The following STAMBP variants were observed in gnomAD, a reference collection of about 807,000 sequenced individuals.
STAMBP encodes STAM binding protein, also known as STAM-binding protein.
A neutral mutation model predicts 50.7 loss-of-function variants in STAMBP; 31 were observed. That is an observed-to-expected ratio of 0.61 (90% CI 0.46 to 0.83). STAMBP has a LOEUF of 0.83. STAMBP is among the 40% of genes least tolerant of loss of function. The pLI is 0.00. For synonymous variants in STAMBP, 211 were observed against 192.4 expected (o/e 1.10, Z -0.80); for missense variants, 472 against 518.9 (o/e 0.91, Z 0.88).
chr2:73,847,617 G>C lies in STAMBP; in HGVS notation c.606G>C (p.Lys202Asn). The C allele has an allele frequency of 6.2e-7, 1 of 1,614,218 alleles. No homozygotes were observed. Among genetic ancestry groups the C allele is most frequent in the Non-Finnish European group, 8.5e-7 (1 of 1,180,032 alleles). The change falls in exon 5 of 10, where the codon AAG becomes AAC. Residue 202 changes from lysine (K) to asparagine (N), a missense_variant. Lys to Asn is a moderately conservative substitution (Grantham distance 94, BLOSUM62 0). Transcript: ENST00000394070. ...GCCCGCTAGTGCCTGACTTGGAGAAGCCCTCCTTAGATGTGTTCCCCACCT... is the reference window on the plus strand; with the variant it reads ...GCCCGCTAGTGCCTGACTTGGAGAACCCCTCCTTAGATGTGTTCCCCACCT... Reference protein sequence around the residue: ...LGGPLVPDLEKPSLDVFPTLT... With the variant: ...LGGPLVPDLENPSLDVFPTLT...
At chr2:73,871,127 A>G (rs920558749), downstream of STAMBP, among the ~76,000 whole-genome samples, 5 of 152,124 alleles carry the variant, frequency 3.3e-5, no homozygotes, top group Non-Finnish European at 7.4e-5. Flanking sequence ...AGTTTACACA[A>G]ATATTTTGGT....
chr2:73,869,567 A>G (rs890326373), downstream of STAMBP, among the ~76,000 whole-genome samples: 1 of 152,174 alleles, frequency 6.6e-6, no homozygotes, highest in Non-Finnish European at 1.5e-5. Flanking sequence ...AAATTGAAAG[A>G]AAAAAAGAAT....
At position 73,830,780 on chromosome 2, in the gene STAMBP, A is replaced by T. The variant is rs1403649453; in HGVS notation, c.-12-65A>T. The T allele has an allele frequency of 6.3e-6, 8 of 1,264,996 alleles. No homozygotes were observed. The African/African-American group carries it at 1.0e-4, about 17-fold the overall frequency. The allele number at this position is 1,264,996 out of a possible 1,614,324, so 78.4% of individuals were successfully genotyped here. On this transcript the variant is annotated intron_variant, in intron 1 of 9. Coordinates refer to ENST00000394070, the MANE Select transcript of STAMBP (RefSeq NM_213622.4). ...TTCTTAAGGTAGAGGTCTGTGAGAT[A>T]AACTGTAAAACTGCTGGGATGATGA...
chr2:73,830,560 G>T (rs1247572539), intron 1 of STAMBP, among the ~76,000 whole-genome samples: 12 of 152,214 alleles, frequency 7.9e-5, no homozygotes. Context: ...TGATTAACTT[G>T]AACTGAACCT....
chr2:73,846,434 C>A (rs1278606850), intron 4 of STAMBP, among the ~76,000 whole-genome samples: 1 of 151,664 alleles, frequency 6.6e-6, no homozygotes, highest in Admixed American at 6.6e-5. Flanking sequence ...AACCCCATCT[C>A]TACAAAAAAT....
intron 8 of STAMBP, 84 bp downstream of exon 8, chr2:73,859,450 G>T (rs1678016780): frequency 9.3e-7 from 1 of 1,079,652 alleles, no homozygotes; most frequent in Non-Finnish European, 1.4e-6. Flanking sequence ...TATTCTTGTG[G>T]ACTTGTCCTT....
chr2:73,870,131 T>C (rs138867799), downstream of STAMBP: 1 of 152,324 alleles, frequency 6.6e-6, no homozygotes, highest in African/African-American at 2.4e-5. Context: ...GGACAATACC[T>C]TCTATTTTCA....
chr2:73,870,711 C>T (rs192002182), downstream of STAMBP, among the ~76,000 whole-genome samples: 22 of 152,314 alleles, frequency 1.4e-4, no homozygotes, highest in East Asian at 3.9e-3. Context: ...CTATCCCCAG[C>T]AGCCTCCTCT....
intron 7 of STAMBP, among the ~76,000 whole-genome samples, chr2:73,854,279 G>C (rs1406239787): frequency 2.0e-5 from 3 of 152,184 alleles, no homozygotes; most frequent in African/African-American, 7.2e-5. Context: ...TTGGAGTCTA[G>C]GTCTGCTGTT....
rs974928158 is a variant in STAMBP, at chr2:73,865,129, A to G, written c.*2870A>G. 1.3e-5 allele frequency: 2 copies of G among 152,134 alleles called. No homozygotes were observed. The highest frequency in any genetic ancestry group is 4.8e-5 in the African/African-American group (2 of 41,408). 9.4% of individuals were successfully genotyped at this position (152,134 alleles called of 1,614,324 possible). On this transcript the variant is annotated 3_prime_UTR_variant, in exon 10 of 10. Coordinates refer to ENST00000394070, the MANE Select transcript of STAMBP (RefSeq NM_213622.4). ...AAGTGCCTATCCCTTTTGACTGTTG[A>G]TGGCTTCTTTGGGGTTTTAGTTACC...
Position 73,850,309 on chromosome 2 carries a change from G to C in STAMBP, c.868-67G>C. ...TATAGATGCTTACCTTTCCACTGTC[G>C]GGATGGAGTGGAGCAGGGTTGCATG... On this transcript the variant is annotated intron_variant, in intron 6 of 9. Transcript: ENST00000394070. The surrounding 1 kb of genome is among the most constrained non-coding windows in gnomAD (Gnocchi z 4.3). 2 of 1,535,082 alleles carry C rather than the reference G, an allele frequency of 1.3e-6. No individual in the cohort carries two copies. Among genetic ancestry groups the C allele is most frequent in the South Asian group, 1.3e-5 (1 of 78,444 alleles).
intron 9 of STAMBP, among the ~76,000 whole-genome samples, chr2:73,860,814 T>C (rs1678243616): frequency 6.6e-6 from 1 of 152,058 alleles, no homozygotes; most frequent in Non-Finnish European, 1.5e-5. Flanking sequence ...GTGAGCAATA[T>C]GGAAAAGGGA....
At position 73,829,386 on chromosome 2, in the gene STAMBP, C is replaced by T. The variant is rs1673613788; in HGVS notation, c.-137C>T. 1 of 152,536 alleles carries T rather than the reference C, an allele frequency of 6.6e-6. No homozygotes were observed. The allele number at this position is 152,536 out of a possible 1,614,324, so 9.4% of individuals were successfully genotyped here. On this transcript the variant is annotated 5_prime_UTR_variant, in exon 1 of 10. Coordinates refer to ENST00000394070, the MANE Select transcript of STAMBP (RefSeq NM_213622.4). Reference sequence around the variant, plus strand: ...TTTCCCCCTCGGTCCTTTACGCCGCCTTTCCCCCTCATTTGCAGATGCTGC... The same window carrying T: ...TTTCCCCCTCGGTCCTTTACGCCGCTTTTCCCCCTCATTTGCAGATGCTGC...
At chr2:73,858,570 G>A (rs1558592359) in intron 7 of STAMBP, among the ~76,000 whole-genome samples, 6 of 152,100 alleles carry the variant, frequency 3.9e-5, no homozygotes. Flanking sequence ...CTTTTTTGTG[G>A]TGAGAACACT....
downstream of STAMBP, chr2:73,870,057 C>G (rs970812403): frequency 6.6e-6 from 1 of 152,174 alleles, no homozygotes; most frequent in African/African-American, 2.4e-5. Context: ...TCCCCCATAT[C>G]CTTTTTCGAA....
chr2:73,871,279 C>G (rs1679187900), downstream of STAMBP, among the ~76,000 whole-genome samples: 1 of 151,952 alleles, frequency 6.6e-6, no homozygotes, highest in Non-Finnish European at 1.5e-5. Flanking sequence ...CGTGGTGGCT[C>G]ATGCTTGTAA....
chr2:73,850,108 G>A lies in STAMBP; in HGVS notation c.868-268G>A, dbSNP rs1342165194. ...CTACCCAGAGCTTCTCAGCAGAGCA[G>A]TTTGGCACAGCAGGAAATTCCCTCA... On this transcript the variant is annotated intron_variant, in intron 6 of 9. Transcript: ENST00000394070. This position sits in a 1 kb window ranked among gnomAD's most constrained non-coding sequence, Gnocchi z 4.3. 6.6e-6 allele frequency among the ~76,000 whole-genome samples: 1 copy of A among 152,234 alleles called. No individual in the cohort carries two copies. Among genetic ancestry groups the A allele is most frequent in the Non-Finnish European group, 1.5e-5 (1 of 68,030 alleles).
chr2:73,854,001 C>T lies in STAMBP; in HGVS notation c.1005+3488C>T, dbSNP rs191741712. On this transcript the variant is annotated intron_variant, in intron 7 of 9. Transcript: ENST00000394070. ...TTGCTCAACATTTTGAAGGTTTATC[C>T]ACATTCTTGTGTGTAGTTTTCTGAA... 4.6e-5 allele frequency among the ~76,000 whole-genome samples: 7 copies of T among 152,250 alleles called. No homozygotes were observed. The East Asian group carries it at 1.2e-3, about 25-fold the overall frequency.
downstream of STAMBP, among the ~76,000 whole-genome samples, chr2:73,871,826 G>A (rs1270012033): frequency 1.3e-5 from 2 of 152,020 alleles, no homozygotes; most frequent in African/African-American, 2.4e-5. Flanking sequence ...GGAGTGCAGT[G>A]GCGTGATCTC....
Sources: allele counts gnomAD v4.1 joint callset (sites outside exome capture counted in the v4.1 genomes callset), GRCh38; gene constraint gnomAD v4.1.1; non-coding constraint Gnocchi (gnomAD v3.1); transcripts MANE v1.5; gene names NCBI Gene and HGNC (gene_info 2026-07-23, HGNC 2026-07-21).